Variants in SLC29A4 observed in about 807,000 individuals in gnomAD.
The protein encoded by SLC29A4 is solute carrier family 29 member 4.
A neutral mutation model predicts 43.9 loss-of-function variants in SLC29A4; 36 were observed. The observed-to-expected ratio is 0.82, with a 90% CI of 0.63 to 1.08. SLC29A4 has a LOEUF of 1.08. SLC29A4 is among the 50% of genes least tolerant of loss of function. The probability of loss-of-function intolerance (pLI) is 0.00; values close to 1 mark genes in which losing one functional copy is unlikely to be tolerated. For synonymous variants in SLC29A4, 491 were observed against 338.0 expected, an observed-to-expected ratio of 1.45 and a Z score of -4.97; for missense variants, 869 against 755.3, an observed-to-expected ratio of 1.15 and a Z score of -1.77.
Position 5,286,535 on chromosome 7 carries a change from GAAAAAAGAA to G in SLC29A4, c.-8-1268_-8-1260del, listed in dbSNP as rs1164975077. 2.7e-5 allele frequency among the ~76,000 whole-genome samples: 4 copies of G among 146,796 alleles called. 1 individual carries two copies. Among genetic ancestry groups the G allele is most frequent in the African/African-American group, 1.0e-4 (4 of 38,956 alleles). On this transcript the variant is annotated intron_variant, in intron 1 of 10. Coordinates refer to ENST00000396872, the MANE Select transcript of SLC29A4 (RefSeq NM_153247.4). ...AAGACTCCATCTCAAAAAAAAAAAA[GAAAAAAGAA>G]AAAAATCATTTTAGGGGAAAAAGCT...
rs1332918731 is a variant in SLC29A4 at position 5,283,065 on chromosome 7, A to AGGCCGGGCCG, written c.-20_-11dup. ...GCGTGGCGGGCGCGCCGAGGACCCC[A>AGGCCGGGCCG]GGCCGGGCCGGGCCGAGGTAAGCGG... On this transcript the variant is annotated 5_prime_UTR_variant, in exon 1 of 11. Coordinates refer to ENST00000396872, the MANE Select transcript of SLC29A4 (RefSeq NM_153247.4). 2 of 145,670 alleles carry AGGCCGGGCCG rather than the reference A, an allele frequency of 1.4e-5. No homozygotes were observed. The highest frequency in any genetic ancestry group is 5.0e-5 in the African/African-American group (2 of 39,844). The allele number at this position is 145,670 out of a possible 1,614,324, so 9.0% of individuals were successfully genotyped here.
chr7:5,287,197 A>G (rs1562440367), intron 1 of SLC29A4, among the ~76,000 whole-genome samples: 2 of 152,202 alleles, frequency 1.3e-5, no homozygotes, highest in Non-Finnish European at 2.9e-5. Context: ...AGGCCGAGGC[A>G]GGAGTTGGAG....
chr7:5,291,668 C>T (rs755244269), intron 4 of SLC29A4, 25 bp from the exon 5 acceptor site: 2 of 1,567,372 alleles, frequency 1.3e-6, no homozygotes, highest in Non-Finnish European at 1.7e-6. Context: ...TCCACCACTC[C>T]CCTCACTAGC....
Position 5,296,991 on chromosome 7 carries a change from C to T in SLC29A4, c.675C>T (p.Pro225=). The change falls in exon 7 of 11, where the codon CCC becomes CCT. Residue 225 remains proline, a synonymous_variant. Transcript: ENST00000396872. The stretch of plus-strand genomic sequence containing the variant: ...GCATCCTCACGAAGCTGCTGCTGCC[C>T]GACGAGCGCGCCAGCACGCTCATCT... The part of the protein sequence containing the change: ...LSRILTKLLL[P]DERASTLIFF... The T allele has an allele frequency of 1.2e-6, 2 of 1,603,526 alleles. No homozygotes were observed. Among genetic ancestry groups the T allele is most frequent in the African/African-American group, 1.3e-5 (1 of 74,876 alleles).
chr7:5,299,545 A>G, intron 9 of SLC29A4, 118 bp downstream of exon 9: 1 of 1,172,448 alleles, frequency 8.5e-7, no homozygotes, highest in Non-Finnish European at 1.2e-6. Flanking sequence ...CCAGGTGGAA[A>G]GGGCAAGAGC....
chr7:5,295,356 C>G (rs951201161), intron 6 of SLC29A4, among the ~76,000 whole-genome samples: 1 of 152,184 alleles, frequency 6.6e-6, no homozygotes, highest in South Asian at 2.1e-4. Context: ...ACAAGCCACC[C>G]CCTGGTCAGC....
chr7:5,298,106 C>T (rs952780769), intron 7 of SLC29A4, among the ~76,000 whole-genome samples: 2 of 152,130 alleles, frequency 1.3e-5, no homozygotes, highest in African/African-American at 4.8e-5. Flanking sequence ...TCCTGAGGGT[C>T]GGGAACCAGA....
At chr7:5,296,267 A>G (rs1304075856) in intron 6 of SLC29A4, among the ~76,000 whole-genome samples, 2 of 151,174 alleles carry the variant, frequency 1.3e-5, no homozygotes, top group African/African-American at 2.4e-5. Context: ...ATCACGCACC[A>G]TCTTGTTGCA....
At chr7:5,296,116 C>T (rs1040394684) in intron 6 of SLC29A4, among the ~76,000 whole-genome samples, 2 of 152,124 alleles carry the variant, frequency 1.3e-5, no homozygotes, top group Admixed American at 1.3e-4. Context: ...AGCCCCTGGC[C>T]AGGAACACCC....
chr7:5,301,217 G>A (rs1327319570), intron 10 of SLC29A4, among the ~76,000 whole-genome samples: 3 of 150,182 alleles, frequency 2.0e-5, no homozygotes, highest in Non-Finnish European at 2.9e-5. Flanking sequence ...CTGTGATCAC[G>A]CCACTGCACT....
At position 5,303,431 on chromosome 7, in the gene SLC29A4, C is replaced by T. The variant is rs1288787371; in HGVS notation, c.*492C>T. The T allele has an allele frequency of 5.6e-5, 10 of 178,296 alleles. No individual in the cohort carries two copies. The highest frequency in any genetic ancestry group is 1.2e-5 in the Non-Finnish European group (1 of 86,004). The allele number at this position is 178,296 out of a possible 1,614,324, so 11.0% of individuals were successfully genotyped here. A position where few individuals can be genotyped will look rare whatever the true frequency, so the allele number is the denominator to read the frequency against. ...CTGAGAGGAGAGGGGCAGCCCCCCA[C>T]CTTGTCACCCTCAGGGCTTCCCCTT... On this transcript the variant is annotated 3_prime_UTR_variant, in exon 11 of 11. Coordinates refer to ENST00000396872, the MANE Select transcript of SLC29A4 (RefSeq NM_153247.4).
chr7:5,287,945 G>A lies in SLC29A4; in HGVS notation c.129G>A (p.Gln43=). 2 of 1,611,302 alleles carry A rather than the reference G, an allele frequency of 1.2e-6. No individual in the cohort carries two copies. The highest frequency in any genetic ancestry group is 1.7e-6 in the Non-Finnish European group (2 of 1,179,616). Residue 43 remains glutamine, a synonymous_variant, in exon 2 of 11, where the codon CAG becomes CAA. Transcript: ENST00000396872. ...LEEAAEAAQG[Q]GLRARGVPAF... ...AGGCGGCGGAGGCGGCTCAGGGCCA[G>A]GGCCTTAGGGCCAGGGGCGTCCCAG...
At position 5,306,472 on chromosome 7, in the gene SLC29A4, G is replaced by C. The variant is rs944964599; in HGVS notation, c.*3533G>C. The C allele has an allele frequency of 2.0e-5, 3 of 152,104 alleles. No homozygotes were observed. The highest frequency in any genetic ancestry group is 7.2e-5 in the African/African-American group (3 of 41,396). 9.4% of individuals were successfully genotyped at this position (152,104 alleles called of 1,614,324 possible). ...GGCCTCCTAAAGTGCTGGGATTACA[G>C]GCACGCTCTACCACACCTGGCTAAT... On this transcript the variant is annotated 3_prime_UTR_variant, in exon 11 of 11. Transcript: ENST00000396872.
chr7:5,290,650 CG>C, intron 2 of SLC29A4, 81 bp from the exon 3 acceptor site: 1 of 1,526,686 alleles, frequency 6.6e-7, no homozygotes. Context: ...TGATGGCGGC[CG>C]GGGTGGTGGA....
chr7:5,295,083 C>T (rs1244398856), intron 6 of SLC29A4, 149 bp downstream of exon 6: 1 of 701,796 alleles, frequency 1.4e-6, no homozygotes, highest in Non-Finnish European at 2.3e-6. Flanking sequence ...TGATCACCAT[C>T]TTTCCTGGCC....
chr7:5,296,900 C>A, intron 6 of SLC29A4, 36 bp from the exon 7 acceptor site: 1 of 1,547,370 alleles, frequency 6.5e-7, no homozygotes, highest in Non-Finnish European at 8.7e-7. Context: ...GGGAGCTGGG[C>A]GGATCAGGCC....
intron 10 of SLC29A4, among the ~76,000 whole-genome samples, chr7:5,301,531 C>G (rs536358773): frequency 3.3e-5 from 5 of 152,154 alleles, no homozygotes; most frequent in African/African-American, 1.2e-4. Context: ...TCCTGCGGCA[C>G]TGAGGCCAGG....
intron 1 of SLC29A4, among the ~76,000 whole-genome samples, chr7:5,287,144 G>A (rs949848195): frequency 1.1e-4 from 17 of 152,214 alleles, no homozygotes; most frequent in African/African-American, 3.6e-4. Flanking sequence ...AGGGCTGGGC[G>A]CAGTGGCTCA....
At chr7:5,288,411 T>C (rs1019133323) in intron 2 of SLC29A4, among the ~76,000 whole-genome samples, 3 of 143,888 alleles carry the variant, frequency 2.1e-5, no homozygotes, top group African/African-American at 7.8e-5. Flanking sequence ...TTCACGCCAT[T>C]CTCCTGCCTC....
Sources: allele counts gnomAD v4.1 joint callset (sites outside exome capture counted in the v4.1 genomes callset), GRCh38; gene constraint gnomAD v4.1.1; transcripts MANE v1.5; gene names NCBI Gene and HGNC (gene_info 2026-07-23, HGNC 2026-07-21).